The following SEL1L3 variants were observed in gnomAD, a reference collection of about 807,000 sequenced individuals.
The protein encoded by SEL1L3 is SEL1L family member 3, also known as protein sel-1 homolog 3.
SEL1L3 carries 76 observed loss-of-function variants against 142.8 expected under a neutral mutation model. The observed-to-expected ratio is 0.53, with a 90% CI of 0.44 to 0.64. SEL1L3 has a LOEUF of 0.64. Ranked by LOEUF, SEL1L3 falls within the 30% of genes least tolerant of loss-of-function variation. SEL1L3 has a pLI of 0.00. For missense variants in SEL1L3, 1,262 were observed against 1,381.7 expected (o/e 0.91, Z 1.37); for synonymous variants, 504 against 519.6 (o/e 0.97, Z 0.41).
chr4:25,734,751 T>C, the SEL1L3 span, among the ~76,000 whole-genome samples: 1 of 151,948 alleles, frequency 6.6e-6, no homozygotes, highest in African/African-American at 2.4e-5. Context: ...GTGTTTTTAG[T>C]AGATACAGGG....
the SEL1L3 span, among the ~76,000 whole-genome samples, chr4:25,734,084 C>T: frequency 7.2e-5 from 11 of 152,130 alleles, no homozygotes; most frequent in Non-Finnish European, 1.3e-4. Context: ...AGTGCAATGG[C>T]GTGATCTTGG....
chr4:25,719,359 G>A, the SEL1L3 span: 26 of 152,078 alleles, frequency 1.7e-4, no homozygotes, highest in African/African-American at 4.1e-4. Context: ...TGATACTTAG[G>A]GTAGGAACTA....
Position 25,847,410 on chromosome 4 carries a change from T to C in SEL1L3, c.617A>G (p.Gln206Arg). 6.2e-7 allele frequency: 1 copy of C among 1,614,034 alleles called. No individual in the cohort carries two copies. Among genetic ancestry groups the C allele is most frequent in the Non-Finnish European group, 8.5e-7 (1 of 1,179,894 alleles). ...HAVAKNYTLL[Q>R]TIPPFERPFK... ...AGGGCGTTCAAAAGGCGGGATGGTCTGCAGGAGGGTATAATTCTTTGCTAC... is the reference window on the plus strand; with the variant it reads ...AGGGCGTTCAAAAGGCGGGATGGTCCGCAGGAGGGTATAATTCTTTGCTAC... The change falls in exon 2 of 24, where the codon CAG becomes CGG. Residue 206 changes from glutamine to arginine, a missense_variant. Gln to Arg is a conservative substitution (Grantham distance 43). Coordinates refer to ENST00000399878, the MANE Select transcript of SEL1L3 (RefSeq NM_015187.5).
chr4:25,828,205 T>G (rs994909369), intron 6 of SEL1L3, among the ~76,000 whole-genome samples: 3 of 152,156 alleles, frequency 2.0e-5, no homozygotes, highest in Non-Finnish European at 4.4e-5. Flanking sequence ...TCTATAAAAC[T>G]CTAATCCTTT....
At chr4:25,831,440 C>G (rs977515599) in intron 5 of SEL1L3, among the ~76,000 whole-genome samples, 2 of 150,702 alleles carry the variant, frequency 1.3e-5, no homozygotes, top group African/African-American at 4.9e-5. Context: ...GCATAAAATG[C>G]TATCTCCCTT....
chr4:25,862,472 C>G (rs1717787047), intron 1 of SEL1L3, among the ~76,000 whole-genome samples: 1 of 152,142 alleles, frequency 6.6e-6, no homozygotes, highest in Admixed American at 6.5e-5. Flanking sequence ...GAGAGAGCAG[C>G]TTGGCAAGTC....
intron 1 of SEL1L3, among the ~76,000 whole-genome samples, chr4:25,850,281 A>G (rs891589953): frequency 6.6e-6 from 1 of 152,230 alleles, no homozygotes; most frequent in Admixed American, 6.5e-5. Context: ...GTCAATGTCA[A>G]TTAGAAACAA....
At chr4:25,822,205 C>G in intron 6 of SEL1L3, 77 bp from the exon 7 acceptor site, 1 of 1,569,798 alleles carries the variant, frequency 6.4e-7, no homozygotes, top group East Asian at 2.2e-5. Context: ...TTCCTAGACC[C>G]TCCTTGACTT....
At chr4:25,791,521 A>C (rs1256533884) in intron 11 of SEL1L3, among the ~76,000 whole-genome samples, 1 of 152,182 alleles carries the variant, frequency 6.6e-6, no homozygotes, top group Non-Finnish European at 1.5e-5. Flanking sequence ...CATAAGGGGG[A>C]TACTAGAGAG....
intron 11 of SEL1L3, among the ~76,000 whole-genome samples, chr4:25,795,253 C>CAA (rs1712640619): frequency 6.6e-6 from 1 of 152,150 alleles, no homozygotes; most frequent in Admixed American, 6.5e-5. Flanking sequence ...AAGAGCTTAG[C>CAA]AAAGTGCCTG....
At chr4:25,742,999 G>T (rs1480056540), downstream of SEL1L3, among the ~76,000 whole-genome samples, 1 of 152,174 alleles carries the variant, frequency 6.6e-6, no homozygotes, top group Non-Finnish European at 1.5e-5. Context: ...CAAACCACGA[G>T]TTATGAACCC....
intron 19 of SEL1L3, among the ~76,000 whole-genome samples, chr4:25,766,856 G>T (rs377016662): frequency 6.6e-6 from 1 of 152,172 alleles, no homozygotes; most frequent in Non-Finnish European, 1.5e-5. Flanking sequence ...ATCAGAAGCC[G>T]GTGGGTAGAG....
chr4:25,772,369 T>C (rs1719285990), intron 17 of SEL1L3, among the ~76,000 whole-genome samples: 1 of 152,014 alleles, frequency 6.6e-6, no homozygotes, highest in African/African-American at 2.4e-5. Context: ...GAAATAGAAA[T>C]TTATATATGG....
chr4:25,832,408 A>G (rs779564060), intron 5 of SEL1L3, among the ~76,000 whole-genome samples: 1 of 152,252 alleles, frequency 6.6e-6, no homozygotes, highest in Non-Finnish European at 1.5e-5. Context: ...CAGATTTGCC[A>G]TAATCCATAA....
In SEL1L3 at chr4:25,748,275, G is replaced by C; in HGVS notation, c.*150C>G. The C allele has an allele frequency of 1.4e-6, 1 of 711,904 alleles. No individual in the cohort carries two copies. Among genetic ancestry groups the C allele is most frequent in the Non-Finnish European group, 2.3e-6 (1 of 435,086 alleles). The allele number at this position is 711,904 out of a possible 1,614,324, so 44.1% of individuals were successfully genotyped here. On this transcript the variant is annotated 3_prime_UTR_variant, in exon 24 of 24. Transcript: ENST00000399878. ...TGATCTGGGTACTTCCTTGTAATTT[G>C]ACTTTAAAAAAAATGACACCAATTG...
chr4:25,740,400 T>A, the SEL1L3 span, among the ~76,000 whole-genome samples: 2 of 150,030 alleles, frequency 1.3e-5, no homozygotes, highest in Non-Finnish European at 2.9e-5. Context: ...GCCATTGCAC[T>A]CTAGCCTGAG....
In SEL1L3 at chr4:25,779,131, A is replaced by G. The variant is rs759573438; in HGVS notation, c.2530T>C (p.Tyr844His). The change falls in exon 16 of 24, where the codon TAC (tyrosine) becomes CAC (histidine). Residue 844 changes from tyrosine (Y) to histidine (H), a missense_variant. Coordinates refer to ENST00000399878, the MANE Select transcript of SEL1L3 (RefSeq NM_015187.5). ...HMEGTLWCSLYYITGNLETFP... is the reference protein window; with the variant it reads ...HMEGTLWCSLHYITGNLETFP... ...GTCTCCAGGTTGCCTGTGATATAGT[A>G]GAGAGAACACCACAAGGTCCCTTCC... 6.2e-7 allele frequency: 1 copy of G among 1,613,648 alleles called. No individual in the cohort carries two copies.
chr4:25,727,294 C>T, the SEL1L3 span, among the ~76,000 whole-genome samples: 2 of 152,214 alleles, frequency 1.3e-5, no homozygotes, highest in Admixed American at 6.5e-5. Flanking sequence ...CCTCGTGATC[C>T]GCCCTCCTTG....
chr4:25,844,231 C>T (rs1716365196), intron 2 of SEL1L3, among the ~76,000 whole-genome samples: 1 of 152,218 alleles, frequency 6.6e-6, no homozygotes, highest in African/African-American at 2.4e-5. Context: ...CCCCTTCTAT[C>T]CCCACAGCCC....
Sources: allele counts gnomAD v4.1 joint callset (sites outside exome capture counted in the v4.1 genomes callset), GRCh38; gene constraint gnomAD v4.1.1; transcripts MANE v1.5; gene names NCBI Gene and HGNC (gene_info 2026-07-23, HGNC 2026-07-21).